Variants in NTM observed in about 807,000 individuals in gnomAD.
The protein encoded by NTM is IgLON family member 2.
In NTM, 13 loss-of-function variants were observed where a neutral mutation model predicts 42.1. The ratio of observed to expected loss-of-function variants is 0.31; its 90% confidence interval spans 0.20 to 0.49. The LOEUF (loss-of-function observed/expected upper bound fraction) is 0.49, where lower values mean the gene tolerates loss of function less well. Ranked by LOEUF, NTM falls within the 20% of genes least tolerant of loss-of-function variation. The pLI, the probability that NTM is intolerant of heterozygous loss-of-function variation, is 0.99. For synonymous variants in NTM, 187 were observed against 179.2 expected, an observed-to-expected ratio of 1.04 and a Z score of -0.35; for missense variants, 373 against 452.8, an observed-to-expected ratio of 0.82 and a Z score of 1.60.
intron 4 of NTM, among the ~76,000 whole-genome samples, chr11:132,275,903 C>T (rs1388267431): frequency 1.3e-5 from 2 of 151,668 alleles, no homozygotes; most frequent in East Asian, 3.9e-4. Flanking sequence ...ACCATAGTCA[C>T]CCTGCAATGC....
chr11:131,464,430 G>A (rs769176634), intron 1 of NTM, among the ~76,000 whole-genome samples: 1 of 152,042 alleles, frequency 6.6e-6, no homozygotes, highest in Non-Finnish European at 1.5e-5. Context: ...TCTGGCAGCC[G>A]TCTCTAACCT....
chr11:132,064,778 T>C (rs547218750), intron 2 of NTM, among the ~76,000 whole-genome samples: 3 of 152,300 alleles, frequency 2.0e-5, no homozygotes, highest in East Asian at 3.9e-4. Context: ...TCACTTTCCA[T>C]AGGGGAGGCA....
intron 3 of NTM, among the ~76,000 whole-genome samples, chr11:132,172,373 C>A (rs1410811901): frequency 6.6e-6 from 1 of 152,160 alleles, no homozygotes; most frequent in African/African-American, 2.4e-5. Context: ...CTACCTCACT[C>A]ATTTTCTGGA....
Position 131,692,110 on chromosome 11 carries a change from G to C in NTM, c.83-219454G>C, listed in dbSNP as rs182862147. ...AGGGAGTCACAGGCTGACACTTCGC[G>C]GTTCTTTACAACCTCGGTCTTTCTC... On this transcript the variant is annotated intron_variant, in intron 1 of 8. Coordinates refer to ENST00000683400, the MANE Select transcript of NTM (RefSeq NM_001352005.2). Among the ~76,000 whole-genome samples, 11 of 152,256 alleles carry C rather than the reference G, an allele frequency of 7.2e-5. No individual in the cohort carries two copies. In the East Asian group the frequency reaches 1.9e-3, roughly 27 times the overall value.
At chr11:131,659,060 T>C (rs765664947) in intron 1 of NTM, among the ~76,000 whole-genome samples, 3 of 152,110 alleles carry the variant, frequency 2.0e-5, no homozygotes, top group Non-Finnish European at 4.4e-5. Context: ...ATACTAAAGA[T>C]AGAAAAGACC....
chr11:132,177,343 A>G (rs780042227), intron 3 of NTM, among the ~76,000 whole-genome samples: 16 of 152,206 alleles, frequency 1.1e-4, no homozygotes, highest in Non-Finnish European at 2.1e-4. Context: ...GCCTTACACA[A>G]GTAAATATTA....
At chr11:132,263,906 T>C (rs940564887) in intron 4 of NTM, among the ~76,000 whole-genome samples, 1 of 152,236 alleles carries the variant, frequency 6.6e-6, no homozygotes, top group South Asian at 2.1e-4. Flanking sequence ...CTACCAATAT[T>C]ATGTACACGA....
At chr11:132,273,272 AATC>A (rs1276846650) in intron 4 of NTM, among the ~76,000 whole-genome samples, 1 of 141,170 alleles carries the variant, frequency 7.1e-6, no homozygotes, top group African/African-American at 2.7e-5. Flanking sequence ...CATAGTGCGT[AATC>A]ATTTTTATTT....
intron 1 of NTM, among the ~76,000 whole-genome samples, chr11:131,378,904 A>G (rs555318205): frequency 6.6e-6 from 1 of 152,280 alleles, no homozygotes; most frequent in East Asian, 1.9e-4. Flanking sequence ...AACCTCAATG[A>G]CAATTTTGCA....
chr11:131,963,693 A>G (rs563880486), intron 2 of NTM, among the ~76,000 whole-genome samples: 1 of 152,362 alleles, frequency 6.6e-6, no homozygotes, highest in South Asian at 2.1e-4. Flanking sequence ...GTAGTGAATA[A>G]ATAACACAGT....
In NTM at chr11:131,835,542, G is replaced by C. The variant is rs576223227; in HGVS notation, c.83-76022G>C. Among the ~76,000 whole-genome samples the C allele has an allele frequency of 3.0e-4, 45 of 152,126 alleles. 1 individual carries two copies. In the South Asian group the frequency reaches 8.7e-3, roughly 30 times the overall value. Reference sequence around the variant, plus strand: ...TAAGTTTAAACCACGATGATATATTGCTATATATCCATCAGAATGGGTAAC... The same window carrying C: ...TAAGTTTAAACCACGATGATATATTCCTATATATCCATCAGAATGGGTAAC... On this transcript the variant is annotated intron_variant, in intron 1 of 8. Coordinates refer to ENST00000683400, the MANE Select transcript of NTM (RefSeq NM_001352005.2).
At chr11:131,953,404 C>T (rs932651811) in intron 2 of NTM, among the ~76,000 whole-genome samples, 17 of 152,060 alleles carry the variant, frequency 1.1e-4, no homozygotes, top group Admixed American at 4.6e-4. Context: ...CTTGAGTATG[C>T]GTGTGTGTCT....
At chr11:131,546,375 C>G (rs2053947766) in intron 1 of NTM, among the ~76,000 whole-genome samples, 1 of 152,200 alleles carries the variant, frequency 6.6e-6, no homozygotes, top group Non-Finnish European at 1.5e-5. Context: ...TTAGCCATTC[C>G]ACTCTATCCC....
chr11:131,934,185 G>A (rs2058962564), intron 2 of NTM, among the ~76,000 whole-genome samples: 1 of 152,172 alleles, frequency 6.6e-6, no homozygotes, highest in Non-Finnish European at 1.5e-5. Context: ...CATAAATGAA[G>A]GAAGCATCTT....
chr11:131,549,292 C>T (rs2054334225), intron 1 of NTM, among the ~76,000 whole-genome samples: 1 of 152,124 alleles, frequency 6.6e-6, no homozygotes, highest in Non-Finnish European at 1.5e-5. Flanking sequence ...GAGAACTTGA[C>T]TCAGCATATT....
At chr11:132,104,394 A>G (rs1329541689) in intron 2 of NTM, among the ~76,000 whole-genome samples, 1 of 150,100 alleles carries the variant, frequency 6.7e-6, no homozygotes, top group Non-Finnish European at 1.5e-5. Context: ...CTGTTCATGT[A>G]TTTTTTTCGT....
At chr11:132,122,525 C>T (rs748899523) in intron 2 of NTM, among the ~76,000 whole-genome samples, 1 of 152,176 alleles carries the variant, frequency 6.6e-6, no homozygotes, top group Non-Finnish European at 1.5e-5. Context: ...TGAAGATGTG[C>T]CTCAACTACC....
chr11:131,828,128 GA>G (rs56796069), intron 1 of NTM, among the ~76,000 whole-genome samples: 4,782 of 141,756 alleles, frequency 0.034, 209 homozygotes, highest in African/African-American at 0.11. Flanking sequence ...GTAAGATGAA[GA>G]AAAAAAAAAA....
chr11:132,275,601 G>GTT (rs1188660371), intron 4 of NTM, among the ~76,000 whole-genome samples: 4 of 143,356 alleles, frequency 2.8e-5, no homozygotes, highest in Non-Finnish European at 6.2e-5. Flanking sequence ...AAAGTACTGT[G>GTT]TTTTTTACTG....
Sources: gnomAD v4.1 joint callset for allele counts (sites outside exome capture counted in the v4.1 genomes callset) on GRCh38, gnomAD v4.1.1 for gene constraint, MANE v1.5 for transcripts, NCBI Gene and HGNC (gene_info 2026-07-23, HGNC 2026-07-21) for gene names.